Variants in CNOT1 observed in about 807,000 individuals in gnomAD.
CNOT1 encodes the protein CCR4-NOT transcription complex subunit 1.
A neutral mutation model predicts 273.8 loss-of-function variants in CNOT1; 15 were observed. The ratio of observed to expected loss-of-function variants is 0.05; its 90% CI spans 0.04 to 0.08. The LOEUF is 0.08. CNOT1 is among the 10% of genes least tolerant of loss of function. CNOT1 has a pLI of 1.00. For synonymous variants in CNOT1, 1,022 were observed against 1,005.5 expected, an observed-to-expected ratio of 1.02 and a Z score of -0.31; for missense variants, 1,644 against 2,912.2, an observed-to-expected ratio of 0.56 and a Z score of 10.02.
chr16:58,587,519 T>C (rs1281931060), intron 4 of CNOT1, 106 bp from the exon 5 acceptor site: 1 of 1,455,126 alleles, frequency 6.9e-7, no homozygotes. Flanking sequence ...AGTTGCTTAA[T>C]TCTGTAGTGT....
Position 58,584,886 on chromosome 16 carries a change from C to T in CNOT1, c.806+452G>A, listed in dbSNP as rs76418621. On this transcript the variant is annotated intron_variant, in intron 8 of 48. Transcript: ENST00000317147. Reference sequence around the variant, plus strand: ...GCTACTAACAGTGTGAAACAATATCCTTTGGTGCCCTAAGCAAGTGAGAAA... The same window carrying T: ...GCTACTAACAGTGTGAAACAATATCTTTTGGTGCCCTAAGCAAGTGAGAAA... Among the ~76,000 whole-genome samples the T allele has an allele frequency of 2.3e-3, 351 of 152,096 alleles. 8 individuals carry two copies. In the East Asian group the frequency reaches 0.032, roughly 14 times the overall value.
At chr16:58,625,476 C>CA (rs2043528627) in intron 1 of CNOT1, among the ~76,000 whole-genome samples, 2 of 152,102 alleles carry the variant, frequency 1.3e-5, no homozygotes, top group Admixed American at 1.3e-4. Flanking sequence ...CACACTATTG[C>CA]ACTCCAGCCT....
At chr16:58,585,264 A>G in intron 8 of CNOT1, 74 bp downstream of exon 8, 1 of 1,578,466 alleles carries the variant, frequency 6.3e-7, no homozygotes. Flanking sequence ...AAGGAATTTT[A>G]GAGACTTTTT....
chr16:58,587,686 T>C, intron 4 of CNOT1, 94 bp downstream of exon 4: 1 of 1,389,266 alleles, frequency 7.2e-7, no homozygotes, highest in Non-Finnish European at 9.8e-7. Flanking sequence ...CTGAAATTTT[T>C]ATATTAAGAC....
chr16:58,606,072 CAAT>C (rs1028400021), intron 1 of CNOT1, among the ~76,000 whole-genome samples: 2 of 151,960 alleles, frequency 1.3e-5, no homozygotes, highest in African/African-American at 4.8e-5. Context: ...GTTACCTGAA[CAAT>C]GATATCAAAA....
chr16:58,627,403 CAAAAAAAAAA>C (rs754338444), intron 1 of CNOT1, among the ~76,000 whole-genome samples: 5 of 65,164 alleles, frequency 7.7e-5, no homozygotes, highest in Admixed American at 2.3e-4. Context: ...GACTCCATCT[CAAAAAAAAAA>C]AAAAAAAAAA....
chr16:58,573,714 C>T (rs1454021382), intron 16 of CNOT1, among the ~76,000 whole-genome samples: 1 of 152,008 alleles, frequency 6.6e-6, no homozygotes, highest in Non-Finnish European at 1.5e-5. Flanking sequence ...ATCTCCTGAA[C>T]TCATGATTCG....
intron 1 of CNOT1, among the ~76,000 whole-genome samples, chr16:58,628,843 T>C (rs1299616849): frequency 6.6e-6 from 1 of 152,234 alleles, no homozygotes; most frequent in Non-Finnish European, 1.5e-5. Context: ...CTCGGGGAGT[T>C]AGTATCTGTG....
intron 22 of CNOT1, 81 bp from the exon 23 acceptor site, chr16:58,551,900 A>C: frequency 6.4e-7 from 1 of 1,555,682 alleles, no homozygotes; most frequent in Non-Finnish European, 8.7e-7. Context: ...GAGAGGGTAA[A>C]AAACATGTCT....
chr16:58,599,784 G>A (rs2042396557), intron 1 of CNOT1, among the ~76,000 whole-genome samples: 1 of 152,148 alleles, frequency 6.6e-6, no homozygotes, highest in South Asian at 2.1e-4. Context: ...GAAAATACAT[G>A]GCTGGGTGTG....
At chr16:58,602,137 T>C (rs2042489207) in intron 1 of CNOT1, among the ~76,000 whole-genome samples, 1 of 151,934 alleles carries the variant, frequency 6.6e-6, no homozygotes, top group Admixed American at 6.6e-5. Context: ...GGCACAATCT[T>C]GGCTCACTGC....
At chr16:58,537,321 G>A (rs184757342) in intron 38 of CNOT1, 101 bp from the exon 39 acceptor site, 9 of 1,470,116 alleles carry the variant, frequency 6.1e-6, no homozygotes, top group Admixed American at 5.3e-5. Context: ...CCACCAGAGT[G>A]GTTTACCACT....
At chr16:58,537,743 G>A (rs973246788) in intron 38 of CNOT1, 148 bp downstream of exon 38, 32 of 1,022,772 alleles carry the variant, frequency 3.1e-5, no homozygotes, top group Non-Finnish European at 4.1e-5. Context: ...TACTTCAAGT[G>A]ACAATATTAG....
chr16:58,572,461 C>A (rs1243130024), intron 16 of CNOT1, among the ~76,000 whole-genome samples: 1 of 151,830 alleles, frequency 6.6e-6, no homozygotes, highest in Non-Finnish European at 1.5e-5. Context: ...ACAGTGAAAT[C>A]CTGTCTCTAC....
chr16:58,599,484 G>A lies in CNOT1; in HGVS notation c.-147C>T. 1 of 906,912 alleles carries A rather than the reference G, an allele frequency of 1.1e-6. No individual in the cohort carries two copies. The highest frequency in any genetic ancestry group is 1.6e-6 in the Non-Finnish European group (1 of 620,502). 56.2% of individuals were successfully genotyped at this position (906,912 alleles called of 1,614,324 possible). On this transcript the variant is annotated 5_prime_UTR_variant, in exon 2 of 49. Transcript: ENST00000317147. ...ATATCTTCAGTTCTTCTTTACCAGG[G>A]GTCTTACTCTGTTCTGAAACATGGC...
intron 8 of CNOT1, 32 bp downstream of exon 8, chr16:58,585,306 T>A: frequency 1.9e-6 from 3 of 1,610,540 alleles, no homozygotes; most frequent in Non-Finnish European, 2.5e-6. Flanking sequence ...GGCACAAGAA[T>A]AATCAGAAGC....
At chr16:58,568,022 C>T (rs1207318534) in intron 16 of CNOT1, among the ~76,000 whole-genome samples, 1 of 152,130 alleles carries the variant, frequency 6.6e-6, no homozygotes, top group African/African-American at 2.4e-5. Context: ...AACTTATTGC[C>T]TATCTGAGGT....
At chr16:58,597,474 CA>C (rs35732148) in intron 2 of CNOT1, 884 of 175,130 alleles carry the variant, frequency 5.0e-3, no homozygotes, top group South Asian at 0.014. Context: ...AACTCTGTCT[CA>C]AAAAAAAAAG....
rs777788180 is a variant in CNOT1, at chr16:58,547,605, T to C, written c.3600A>G (p.Gly1200=). ...GTTTGTTTTTAGCTAATGTGATCAT[T>C]CCTAGCCAATGTCCCAAGTTCTTCA... is the stretch of plus-strand genomic sequence containing the variant. The part of the protein sequence containing the change: ...SLLKNLGHWL[G]MITLAKNKPI... The change falls in exon 26 of 49, where the codon GGA becomes GGG. Residue 1200 remains glycine (G), a synonymous_variant. Coordinates refer to ENST00000317147, the MANE Select transcript of CNOT1 (RefSeq NM_016284.5). The surrounding 1 kb of genome is among the most constrained non-coding windows in gnomAD (Gnocchi z 4.0). 6.2e-7 allele frequency: 1 copy of C among 1,613,848 alleles called. No homozygotes were observed. Among genetic ancestry groups the C allele is most frequent in the Non-Finnish European group, 8.5e-7 (1 of 1,179,854 alleles).
Sources: gnomAD v4.1 joint callset for allele counts (sites outside exome capture counted in the v4.1 genomes callset) on GRCh38, gnomAD v4.1.1 for gene constraint, Gnocchi (gnomAD v3.1) non-coding constraint, MANE v1.5 for transcripts, NCBI Gene and HGNC (gene_info 2026-07-23, HGNC 2026-07-21) for gene names.